The following ZSCAN22 variants were observed in gnomAD, a reference collection of about 807,000 sequenced individuals.
The protein encoded by ZSCAN22 is zinc finger and SCAN domain containing 22, also known as zinc finger and SCAN domain-containing protein 22.
ZSCAN22 carries 7 observed loss-of-function variants against 12.4 expected under a neutral mutation model. That is an observed-to-expected ratio of 0.57 (90% confidence interval 0.32 to 1.06). The LOEUF is 1.06. ZSCAN22 is among the 50% of genes least tolerant of loss of function. The probability of loss-of-function intolerance (pLI) is 0.04; values close to 1 mark genes in which losing one functional copy is unlikely to be tolerated. For missense variants in ZSCAN22, 576 were observed against 631.7 expected (o/e 0.91, Z 0.94); for synonymous variants, 243 against 255.9 (o/e 0.95, Z 0.48).
At position 58,339,509 on chromosome 19, in the gene ZSCAN22, G is replaced by A. The variant is rs2147992368; in HGVS notation, c.*183G>A. 3.3e-6 allele frequency: 2 copies of A among 600,146 alleles called. No individual in the cohort carries two copies. Among genetic ancestry groups the A allele is most frequent in the South Asian group, 4.6e-5 (2 of 43,252 alleles). The allele number at this position is 600,146 out of a possible 1,614,324, so 37.2% of individuals were successfully genotyped here. A position where few individuals can be genotyped will look rare whatever the true frequency, so the allele number is the denominator to read the frequency against. On this transcript the variant is annotated 3_prime_UTR_variant, in exon 3 of 3. Coordinates refer to ENST00000329665, the MANE Select transcript of ZSCAN22 (RefSeq NM_181846.3). This position sits in a 1 kb window ranked among gnomAD's most constrained non-coding sequence, Gnocchi z 5.6. ...CTCTGCATTTGAGGAACCCTGATGA[G>A]CACAAGGTGATTCAGGCCAGCTGGA...
intron 1 of ZSCAN22, among the ~76,000 whole-genome samples, chr19:58,331,516 ACGTTATTATTATTATTAT>A (rs1480873465): frequency 3.1e-5 from 4 of 130,110 alleles, no homozygotes; most frequent in South Asian, 5.1e-4. Context: ...CGTCCAGCTG[ACGTTATTATTATTATTAT>A]TATTATTATT....
Position 58,339,487 on chromosome 19 carries a change from T to C in ZSCAN22, c.*161T>C. The C allele has an allele frequency of 1.5e-6, 1 of 667,884 alleles. No individual in the cohort carries two copies. Among genetic ancestry groups the C allele is most frequent in the Non-Finnish European group, 2.5e-6 (1 of 402,582 alleles). The allele number at this position is 667,884 out of a possible 1,614,324, so 41.4% of individuals were successfully genotyped here. ...GACTCGGGCTGTCTAGGAACCACTC[T>C]GCATTTGAGGAACCCTGATGAGCAC... On this transcript the variant is annotated 3_prime_UTR_variant, in exon 3 of 3. Coordinates refer to ENST00000329665, the MANE Select transcript of ZSCAN22 (RefSeq NM_181846.3). This position sits in a 1 kb window ranked among gnomAD's most constrained non-coding sequence, Gnocchi z 5.6.
At position 58,334,999 on chromosome 19, in the gene ZSCAN22, C is replaced by A; in HGVS notation, c.197C>A (p.Ala66Asp). 6.2e-7 allele frequency: 1 copy of A among 1,614,084 alleles called. No homozygotes were observed. The highest frequency in any genetic ancestry group is 8.5e-7 in the Non-Finnish European group (1 of 1,180,044). ...GAGGAGGCATCTGGTCCACACGAGG[C>A]CCTGGCCCACCTCCGAGCGCTGTGC... ...RYEEASGPHEALAHLRALCCQ... is the reference protein window; with the variant it reads ...RYEEASGPHEDLAHLRALCCQ... The change falls in exon 2 of 3, where the codon GCC (alanine) becomes GAC (aspartate). Residue 66 changes from alanine (A) to aspartate (D), a missense_variant. By Grantham distance (126) the Ala-to-Asp change is moderately radical. Coordinates refer to ENST00000329665, the MANE Select transcript of ZSCAN22 (RefSeq NM_181846.3).
chr19:58,334,714 A>G (rs2051769905), intron 1 of ZSCAN22, 38 bp from the exon 2 acceptor site: 2 of 1,415,422 alleles, frequency 1.4e-6, no homozygotes, highest in South Asian at 1.4e-5. Flanking sequence ...GGCAGGGCCC[A>G]GGTTCCATGT....
chr19:58,334,553 A>G (rs997167427), intron 1 of ZSCAN22, 199 bp from the exon 2 acceptor site: 1 of 409,486 alleles, frequency 2.4e-6, no homozygotes, highest in Middle Eastern at 6.4e-4. Context: ...TGTAAGTTTT[A>G]AATGAGTCTA....
At position 58,338,534 on chromosome 19, in the gene ZSCAN22, C is replaced by G; in HGVS notation, c.684C>G (p.Asn228Lys). The G allele has an allele frequency of 6.2e-7, 1 of 1,614,224 alleles. No individual in the cohort carries two copies. Among genetic ancestry groups the G allele is most frequent in the Non-Finnish European group, 8.5e-7 (1 of 1,180,054 alleles). ...QRGRESGASR[N>K]SSSAWPNLTS... Reference sequence around the variant, plus strand: ...GCCGTGAATCTGGTGCCTCGAGGAACAGTTCTAGTGCGTGGCCAAACCTCA... The same window carrying G: ...GCCGTGAATCTGGTGCCTCGAGGAAGAGTTCTAGTGCGTGGCCAAACCTCA... Residue 228 changes from asparagine (N) to lysine (K), a missense_variant, in exon 3 of 3, where the codon AAC becomes AAG. Coordinates refer to ENST00000329665, the MANE Select transcript of ZSCAN22 (RefSeq NM_181846.3). The surrounding 1 kb of genome is among the most constrained non-coding windows in gnomAD (Gnocchi z 5.4).
chr19:58,337,274 C>T (rs892206603), intron 2 of ZSCAN22, among the ~76,000 whole-genome samples: 1 of 152,266 alleles, frequency 6.6e-6, no homozygotes, highest in African/African-American at 2.4e-5. Flanking sequence ...CACCTGTGGA[C>T]ACATCCAGGC....
In ZSCAN22 at chr19:58,335,254, G is replaced by C. The variant is rs1260648104; in HGVS notation, c.403+49G>C. 1 of 1,484,642 alleles carries C rather than the reference G, an allele frequency of 6.7e-7. No homozygotes were observed. Among genetic ancestry groups the C allele is most frequent in the South Asian group, 1.4e-5 (1 of 72,528 alleles). 92.0% of individuals were successfully genotyped at this position (1,484,642 alleles called of 1,614,324 possible). A position where few individuals can be genotyped will look rare whatever the true frequency, so the allele number is the denominator to read the frequency against. Reference sequence around the variant, plus strand: ...TCACGGCACACCAGAGATACACCCTGGACAGGAACATGGGAGCACAGGGCT... The same window carrying C: ...TCACGGCACACCAGAGATACACCCTCGACAGGAACATGGGAGCACAGGGCT... On this transcript the variant is annotated intron_variant, in intron 2 of 2. Transcript: ENST00000329665. The surrounding 1 kb of genome is among the most constrained non-coding windows in gnomAD (Gnocchi z 4.1).
At chr19:58,332,268 C>CTTTTTTTTTT (rs35345104) in intron 1 of ZSCAN22, among the ~76,000 whole-genome samples, 27 of 81,674 alleles carry the variant, frequency 3.3e-4, no homozygotes, top group African/African-American at 7.1e-4. Flanking sequence ...CACTAATATG[C>CTTTTTTTTTT]TTTTTTTTTT....
Position 58,338,667 on chromosome 19 carries a change from T to C in ZSCAN22, c.817T>C (p.Cys273Arg), listed in dbSNP as rs746576728. 7.7e-5 allele frequency: 125 copies of C among 1,613,946 alleles called. No homozygotes were observed. The Admixed American group carries it at 2.0e-3, about 26-fold the overall frequency. Residue 273 changes from cysteine (C) to arginine (R), a missense_variant, in exon 3 of 3, where the codon TGT becomes CGT. Transcript: ENST00000329665. This position sits in a 1 kb window ranked among gnomAD's most constrained non-coding sequence, Gnocchi z 5.4. ...GAAGAGGTCCTCCAAGTGTCGCGAG[T>C]GTAGGAAGATGTTCCAGAGTGCTTC... ...SGKRSSKCRE[C>R]RKMFQSASAL...
intron 1 of ZSCAN22, among the ~76,000 whole-genome samples, chr19:58,330,340 C>T (rs796896892): frequency 1.3e-5 from 2 of 152,172 alleles, no homozygotes; most frequent in South Asian, 2.1e-4. Context: ...CTCTGAATGT[C>T]GGTAGCACCC....
intron 1 of ZSCAN22, 44 bp downstream of exon 1, chr19:58,327,158 G>C: frequency 6.6e-6 from 1 of 152,628 alleles, no homozygotes; most frequent in East Asian, 1.9e-4. Context: ...GGCTGGAGAG[G>C]GGCACAGCAG....
chr19:58,334,614 T>C, intron 1 of ZSCAN22, 138 bp from the exon 2 acceptor site: 1 of 647,890 alleles, frequency 1.5e-6, no homozygotes, highest in Non-Finnish European at 2.6e-6. Context: ...GTGGGTGCTG[T>C]CCTAATTATG....
intron 1 of ZSCAN22, among the ~76,000 whole-genome samples, chr19:58,331,505 G>A (rs997848562): frequency 2.0e-5 from 3 of 147,028 alleles, no homozygotes; most frequent in African/African-American, 5.0e-5. Context: ...GTGAGCCACC[G>A]CGTCCAGCTG....
Position 58,338,927 on chromosome 19 carries a change from A to T in ZSCAN22, c.1077A>T (p.Lys359Asn). 6.2e-7 allele frequency: 1 copy of T among 1,613,974 alleles called. No homozygotes were observed. ...CCTACAAATGTGGGGAATGTGGTAA[A>T]ACCTTCAGCCGCAGCACTCACCTCA... ...EKPYKCGECGKTFSRSTHLTQ... is the reference protein window; with the variant it reads ...EKPYKCGECGNTFSRSTHLTQ... Residue 359 changes from lysine to asparagine, a missense_variant, in exon 3 of 3, where the codon AAA (lysine) becomes AAT (asparagine). Physicochemically the swap from Lys to Asn is moderately conservative, Grantham distance 94. Coordinates refer to ENST00000329665, the MANE Select transcript of ZSCAN22 (RefSeq NM_181846.3). This position sits in a 1 kb window ranked among gnomAD's most constrained non-coding sequence, Gnocchi z 5.4.
In ZSCAN22 at chr19:58,340,120, C is replaced by T. The variant is rs1017148707; in HGVS notation, c.*794C>T. On this transcript the variant is annotated 3_prime_UTR_variant, in exon 3 of 3. Coordinates refer to ENST00000329665, the MANE Select transcript of ZSCAN22 (RefSeq NM_181846.3). ...CACTTCCTGCCTTTATTCTCTGCCC[C>T]TGTATCACTCTCCAGGGGACTCTTG... The T allele has an allele frequency of 6.6e-6, 1 of 152,250 alleles. No homozygotes were observed. The highest frequency in any genetic ancestry group is 1.5e-5 in the Non-Finnish European group (1 of 68,122). The allele number at this position is 152,250 out of a possible 1,614,324, so 9.4% of individuals were successfully genotyped here. A position where few individuals can be genotyped will look rare whatever the true frequency, so the allele number is the denominator to read the frequency against.
chr19:58,334,743 T>A lies in ZSCAN22; in HGVS notation c.-51-9T>A, dbSNP rs2051770355. 3.4e-6 allele frequency: 5 copies of A among 1,492,282 alleles called. No homozygotes were observed. The highest frequency in any genetic ancestry group is 4.5e-6 in the Non-Finnish European group (5 of 1,120,134). 92.4% of individuals were successfully genotyped at this position (1,492,282 alleles called of 1,614,324 possible). On this transcript the variant is annotated splice_polypyrimidine_tract_variant and intron_variant, in intron 1 of 2. Coordinates refer to ENST00000329665, the MANE Select transcript of ZSCAN22 (RefSeq NM_181846.3). ...TCCATGTGATGCTGAAGCTCTGACA[T>A]TCCTGCAGGCCCAGTTCCAAGGCTC...
chr19:58,338,751 T>C lies in ZSCAN22; in HGVS notation c.901T>C (p.Cys301Arg). The change falls in exon 3 of 3, where the codon TGT becomes CGT. Residue 301 changes from cysteine (C) to arginine (R), a missense_variant. Transcript: ENST00000329665. This position sits in a 1 kb window ranked among gnomAD's most constrained non-coding sequence, Gnocchi z 5.4. The part of the protein sequence containing the change: ...SRKTPYACSE[C>R]GKAFSRSTHL... ...GAAGACCCCATATGCCTGCAGCGAG[T>C]GTGGGAAAGCCTTCAGCCGGAGCAC... is the stretch of plus-strand genomic sequence containing the variant. 1 of 1,614,066 alleles carries C rather than the reference T, an allele frequency of 6.2e-7. No individual in the cohort carries two copies. The highest frequency in any genetic ancestry group is 8.5e-7 in the Non-Finnish European group (1 of 1,179,990).
At chr19:58,332,175 G>A (rs2051734760) in intron 1 of ZSCAN22, among the ~76,000 whole-genome samples, 1 of 149,530 alleles carries the variant, frequency 6.7e-6, no homozygotes, top group African/African-American at 2.5e-5. Flanking sequence ...CTGGCCTCCA[G>A]AACATTTTTA....
Sources: gnomAD v4.1 joint callset for allele counts (sites outside exome capture counted in the v4.1 genomes callset) on GRCh38, gnomAD v4.1.1 for gene constraint, Gnocchi (gnomAD v3.1) non-coding constraint, MANE v1.5 for transcripts, NCBI Gene and HGNC (gene_info 2026-07-23, HGNC 2026-07-21) for gene names.